Variants in COL11A1 observed in about 807,000 individuals in gnomAD.
COL11A1 encodes collagen type XI alpha 1 chain.
In COL11A1, 74 loss-of-function variants were observed where a neutral mutation model predicts 265.2. That is an observed-to-expected ratio of 0.28 (90% confidence interval 0.23 to 0.34). The LOEUF is 0.34. COL11A1 is among the 10% of genes least tolerant of loss of function. COL11A1 has a pLI of 1.00. For synonymous variants in COL11A1, 816 were observed against 727.6 expected, an observed-to-expected ratio of 1.12 and a Z score of -1.96; for missense variants, 2,165 against 2,263.6, an observed-to-expected ratio of 0.96 and a Z score of 0.88.
intron 38 of COL11A1, among the ~76,000 whole-genome samples, chr1:102,963,555 A>C (rs1330316373): frequency 6.6e-6 from 1 of 152,080 alleles, no homozygotes; most frequent in Non-Finnish European, 1.5e-5. Context: ...ACAAAGAGAA[A>C]ATTTTTAGAT....
chr1:102,900,884 T>C (rs72683263), intron 54 of COL11A1, among the ~76,000 whole-genome samples: 2,881 of 152,284 alleles, frequency 0.019, 43 homozygotes, highest in Non-Finnish European at 0.031. Context: ...TTATTCCTTA[T>C]ATGTTTTCCA....
At chr1:102,983,224 T>G (rs1383177772) in intron 31 of COL11A1, among the ~76,000 whole-genome samples, 2 of 143,404 alleles carry the variant, frequency 1.4e-5, no homozygotes, top group African/African-American at 6.0e-5. Flanking sequence ...AAAACCATAT[T>G]TTTTATGCTT....
At chr1:102,966,604 G>A (rs188069324) in intron 37 of COL11A1, among the ~76,000 whole-genome samples, 1 of 152,194 alleles carries the variant, frequency 6.6e-6, no homozygotes, top group African/African-American at 2.4e-5. Flanking sequence ...CATTTCTGGG[G>A]GGAAATGTCA....
At chr1:103,092,840 G>A (rs1231618648) in intron 1 of COL11A1, among the ~76,000 whole-genome samples, 1 of 151,990 alleles carries the variant, frequency 6.6e-6, no homozygotes, top group Non-Finnish European at 1.5e-5. Context: ...AAGAAGCAGA[G>A]AAAAGTCATG....
intron 30 of COL11A1, among the ~76,000 whole-genome samples, chr1:102,986,332 A>G (rs1314900036): frequency 6.8e-6 from 1 of 147,844 alleles, no homozygotes; most frequent in African/African-American, 2.5e-5. Context: ...CAAGCACCGC[A>G]TGTTCTCACT....
At chr1:103,064,705 A>G (rs1398343922) in intron 4 of COL11A1, among the ~76,000 whole-genome samples, 3 of 149,704 alleles carry the variant, frequency 2.0e-5, no homozygotes, top group African/African-American at 7.5e-5. Context: ...AAAAAGAAAA[A>G]AAAAAAAAAA....
intron 4 of COL11A1, among the ~76,000 whole-genome samples, chr1:103,071,248 T>A (rs975010021): frequency 2.0e-5 from 3 of 151,916 alleles, no homozygotes; most frequent in African/African-American, 7.2e-5. Flanking sequence ...TTGATTATTT[T>A]AAAAAATTAG....
intron 46 of COL11A1, among the ~76,000 whole-genome samples, chr1:102,925,455 T>G (rs1052774172): frequency 6.6e-6 from 1 of 152,120 alleles, no homozygotes; most frequent in African/African-American, 2.4e-5. Flanking sequence ...TATATTCATT[T>G]TTATGAGGAA....
intron 46 of COL11A1, 127 bp downstream of exon 46, chr1:102,934,322 T>C: frequency 1.5e-6 from 1 of 674,288 alleles, no homozygotes; most frequent in Non-Finnish European, 2.7e-6. Flanking sequence ...ATGATCTTTA[T>C]GGATAAACAT....
At chr1:102,901,785 T>G (rs1190385792) in intron 54 of COL11A1, among the ~76,000 whole-genome samples, 1 of 152,222 alleles carries the variant, frequency 6.6e-6, no homozygotes, top group Non-Finnish European at 1.5e-5. Flanking sequence ...TAATCTTCTT[T>G]TCACTATTCA....
intron 63 of COL11A1, among the ~76,000 whole-genome samples, chr1:102,883,978 A>G (rs2101029821): frequency 6.6e-6 from 1 of 152,336 alleles, no homozygotes; most frequent in East Asian, 1.9e-4. Flanking sequence ...TATGTGAGTA[A>G]GCATGGAAAA....
intron 4 of COL11A1, among the ~76,000 whole-genome samples, chr1:103,047,619 A>G (rs981384954): frequency 1.3e-5 from 2 of 152,128 alleles, no homozygotes; most frequent in African/African-American, 2.4e-5. Flanking sequence ...TGATTGCCCT[A>G]GGCAGAACTT....
At chr1:102,996,752 T>A (rs1664667649) in intron 26 of COL11A1, among the ~76,000 whole-genome samples, 1 of 151,964 alleles carries the variant, frequency 6.6e-6, no homozygotes, top group Non-Finnish European at 1.5e-5. Context: ...AAGTAATAAG[T>A]AATAATAAAA....
chr1:103,080,438 T>C (rs910737310), intron 2 of COL11A1, among the ~76,000 whole-genome samples: 5 of 151,850 alleles, frequency 3.3e-5, no homozygotes, highest in African/African-American at 9.7e-5. Flanking sequence ...AAGGGGTTAA[T>C]ATTAAAAACA....
At chr1:102,985,398 A>T (rs1663439857) in intron 30 of COL11A1, among the ~76,000 whole-genome samples, 1 of 152,146 alleles carries the variant, frequency 6.6e-6, no homozygotes. Flanking sequence ...ATAGATAAGT[A>T]GTCTTCAGAT....
chr1:102,897,001 G>T (rs1652511642), intron 57 of COL11A1, among the ~76,000 whole-genome samples: 1 of 152,054 alleles, frequency 6.6e-6, no homozygotes, highest in Non-Finnish European at 1.5e-5. Context: ...AAGCTGATGA[G>T]ATAATGGGCA....
At chr1:102,911,032 G>A (rs1013219322) in intron 54 of COL11A1, among the ~76,000 whole-genome samples, 4 of 152,046 alleles carry the variant, frequency 2.6e-5, no homozygotes, top group African/African-American at 9.7e-5. Context: ...GCAGAAAGAG[G>A]CAATGGATAT....
intron 4 of COL11A1, among the ~76,000 whole-genome samples, chr1:103,067,726 G>A (rs1228808514): frequency 2.6e-5 from 4 of 151,284 alleles, no homozygotes; most frequent in Non-Finnish European, 4.4e-5. Context: ...GATCTGGGGG[G>A]AAAATACAAA....
chr1:102,980,460 C>T (rs533278124), intron 31 of COL11A1, among the ~76,000 whole-genome samples: 5 of 152,158 alleles, frequency 3.3e-5, no homozygotes, highest in African/African-American at 9.6e-5. Flanking sequence ...CACATCCTTG[C>T]TGCTCAACTT....
Sources: allele counts gnomAD v4.1 joint callset (sites outside exome capture counted in the v4.1 genomes callset), GRCh38; gene constraint gnomAD v4.1.1; transcripts MANE v1.5; gene names NCBI Gene and HGNC (gene_info 2026-07-23, HGNC 2026-07-21).